FER1L6: variants seen among roughly 807,000 people sequenced by gnomAD.
The protein encoded by FER1L6 is fer-1 like family member 6, also known as fer-1-like protein 6.
FER1L6 carries 177 observed loss-of-function variants against 219.2 expected under a neutral mutation model. The observed-to-expected ratio is 0.81, with a 90% CI of 0.71 to 0.91. FER1L6 has a LOEUF of 0.91. FER1L6 is among the 40% of genes least tolerant of loss of function. FER1L6 has a pLI of 0.00. For synonymous variants in FER1L6, 768 were observed against 824.3 expected, an observed-to-expected ratio of 0.93 and a Z score of 1.17; for missense variants, 2,153 against 2,259.9, an observed-to-expected ratio of 0.95 and a Z score of 0.96.
intron 5 of FER1L6, 149 bp from the exon 6 acceptor site, chr8:123,969,886 A>C (rs1033143702): frequency 6.9e-6 from 4 of 575,984 alleles, no homozygotes; most frequent in African/African-American, 5.9e-5. Context: ...AAAAAAAAAA[A>C]GAGAATTGAC....
At chr8:123,875,990 C>T (rs765641223) in intron 1 of FER1L6, among the ~76,000 whole-genome samples, 13 of 152,206 alleles carry the variant, frequency 8.5e-5, no homozygotes, top group Non-Finnish European at 1.5e-4. Context: ...TCAGAATGAT[C>T]TTTGACAAAC....
At chr8:124,080,502 G>A (rs1376593833) in intron 32 of FER1L6, among the ~76,000 whole-genome samples, 2 of 152,096 alleles carry the variant, frequency 1.3e-5, no homozygotes, top group African/African-American at 4.8e-5. Context: ...ATTTTTAGTA[G>A]AGACAGGGTT....
At chr8:123,881,696 C>T (rs150294572) in intron 1 of FER1L6, among the ~76,000 whole-genome samples, 219 of 152,276 alleles carry the variant, frequency 1.4e-3, no homozygotes, top group African/African-American at 5.1e-3. Context: ...GGGCCTTGAC[C>T]TGGCAGCCTG....
At chr8:124,088,745 C>T (rs1821891692) in intron 33 of FER1L6, among the ~76,000 whole-genome samples, 1 of 152,040 alleles carries the variant, frequency 6.6e-6, no homozygotes, top group Non-Finnish European at 1.5e-5. Flanking sequence ...TGGGTTCTTC[C>T]CCTCAAGGCA....
chr8:124,060,820 AG>A, intron 24 of FER1L6, 111 bp downstream of exon 24: 1 of 1,239,612 alleles, frequency 8.1e-7, no homozygotes, highest in Admixed American at 2.4e-5. Flanking sequence ...TTTAGTGAAA[AG>A]CCAGAATTTC....
chr8:123,930,283 T>G (rs2129912419), intron 1 of FER1L6, among the ~76,000 whole-genome samples: 1 of 152,294 alleles, frequency 6.6e-6, no homozygotes, highest in Non-Finnish European at 1.5e-5. Flanking sequence ...ATAGCTCCAT[T>G]GCCACAAGGA....
At chr8:123,951,477 G>C (rs1041036702) in intron 1 of FER1L6, among the ~76,000 whole-genome samples, 4 of 152,194 alleles carry the variant, frequency 2.6e-5, no homozygotes, top group Admixed American at 2.6e-4. Context: ...CAACACAACT[G>C]CTTCTATGTG....
chr8:123,925,382 G>A (rs1813524028), intron 1 of FER1L6, among the ~76,000 whole-genome samples: 1 of 152,176 alleles, frequency 6.6e-6, no homozygotes. Context: ...GATGCAACAT[G>A]ACACCTGTCT....
chr8:124,021,985 A>G (rs1415049343), intron 17 of FER1L6, among the ~76,000 whole-genome samples: 1 of 152,238 alleles, frequency 6.6e-6, no homozygotes, highest in African/African-American at 2.4e-5. Context: ...ATTCGTGCCC[A>G]GTAAAGGGCA....
In FER1L6 at chr8:124,038,982, G is replaced by A. The variant is rs188350879; in HGVS notation, c.2465-900G>A. On this transcript the variant is annotated intron_variant, in intron 19 of 40. Coordinates refer to ENST00000522917, the MANE Select transcript of FER1L6 (RefSeq NM_001039112.2). ...AAAACCAAGAGGCGCCCTGCAAGGG[G>A]CAGTGATCAGAAAGTACCATGGACC... 1.1e-4 allele frequency among the ~76,000 whole-genome samples: 16 copies of A among 152,294 alleles called. No homozygotes were observed. In the East Asian group the frequency reaches 2.7e-3, roughly 26 times the overall value.
In FER1L6 at chr8:124,086,364, G is replaced by GTGT. The variant is rs1821784514; in HGVS notation, c.4391+3908_4391+3910dup. 4.0e-5 allele frequency among the ~76,000 whole-genome samples: 6 copies of GTGT among 149,392 alleles called. No individual in the cohort carries two copies. In the South Asian group the frequency reaches 1.3e-3, roughly 31 times the overall value. On this transcript the variant is annotated intron_variant, in intron 33 of 40. Transcript: ENST00000522917. ...TTTATTTTTTGTGTATCTGTTGTAT[G>GTGT]TGTTTTTATTTGAAGTTACCATGAG...
intron 1 of FER1L6, among the ~76,000 whole-genome samples, chr8:123,886,141 A>G (rs545979182): frequency 2.6e-5 from 4 of 152,316 alleles, no homozygotes; most frequent in African/African-American, 9.6e-5. Flanking sequence ...TCGATTCCTT[A>G]TAAGTCTTCT....
intron 22 of FER1L6, among the ~76,000 whole-genome samples, chr8:124,053,642 G>A (rs542258182): frequency 6.6e-6 from 1 of 152,126 alleles, no homozygotes; most frequent in African/African-American, 2.4e-5. Flanking sequence ...AGGATCACTT[G>A]AGCCCAGGAA....
At chr8:124,114,961 A>G (rs1270408263) in intron 39 of FER1L6, among the ~76,000 whole-genome samples, 1 of 141,886 alleles carries the variant, frequency 7.0e-6, no homozygotes, top group African/African-American at 2.6e-5. Flanking sequence ...TTTTGTCAGC[A>G]TACTTTCCTC....
intron 1 of FER1L6, among the ~76,000 whole-genome samples, chr8:123,936,777 A>T (rs767082145): frequency 3.3e-4 from 51 of 152,262 alleles, no homozygotes; most frequent in Non-Finnish European, 6.8e-4. Context: ...GGAGCCACTG[A>T]CAATTGATAA....
chr8:123,974,675 A>G (rs1000236842), intron 7 of FER1L6, among the ~76,000 whole-genome samples: 3 of 149,244 alleles, frequency 2.0e-5, no homozygotes, highest in East Asian at 2.0e-4. Flanking sequence ...AAAAAAAAAA[A>G]AAAAAAAGAA....
intron 22 of FER1L6, among the ~76,000 whole-genome samples, chr8:124,057,109 G>T (rs1033683927): frequency 1.3e-5 from 2 of 152,114 alleles, no homozygotes; most frequent in Non-Finnish European, 2.9e-5. Context: ...CCCTCAAGAC[G>T]ATCTCCTCAA....
intron 1 of FER1L6, among the ~76,000 whole-genome samples, chr8:123,906,020 A>G (rs1812946569): frequency 6.6e-6 from 1 of 152,190 alleles, no homozygotes; most frequent in Non-Finnish European, 1.5e-5. Flanking sequence ...AGGCAGAGTC[A>G]TGAAGACAGG....
chr8:124,086,485 AT>A (rs1175267289), intron 33 of FER1L6, among the ~76,000 whole-genome samples: 2 of 151,574 alleles, frequency 1.3e-5, no homozygotes, highest in African/African-American at 4.8e-5. Flanking sequence ...TGAAAACTCT[AT>A]ATTTTCACTT....
Sources: gnomAD v4.1 joint callset for allele counts (sites outside exome capture counted in the v4.1 genomes callset) on GRCh38, gnomAD v4.1.1 for gene constraint, MANE v1.5 for transcripts, NCBI Gene and HGNC (gene_info 2026-07-23, HGNC 2026-07-21) for gene names.